The following PLCE1 variants were observed in gnomAD, a reference collection of about 807,000 sequenced individuals.
The protein encoded by PLCE1 is phospholipase C epsilon 1.
A neutral mutation model predicts 242.8 loss-of-function variants in PLCE1; 119 were observed. The ratio of observed to expected loss-of-function variants is 0.49; its 90% CI spans 0.42 to 0.57. PLCE1 has a LOEUF of 0.57. Among genes scored for constraint, PLCE1 ranks in the 20% least tolerant of loss-of-function variants. PLCE1 has a pLI of 0.00. For missense variants in PLCE1, 2,441 were observed against 2,788.8 expected (o/e 0.88, Z 2.81); for synonymous variants, 945 against 1,017.4 (o/e 0.93, Z 1.35).
At chr10:94,098,005 A>G (rs1300724879) in intron 2 of PLCE1, among the ~76,000 whole-genome samples, 5 of 152,194 alleles carry the variant, frequency 3.3e-5, no homozygotes, top group Non-Finnish European at 7.3e-5. Flanking sequence ...GGAAAGTGAC[A>G]AGGTCAGTCT....
intron 4 of PLCE1, among the ~76,000 whole-genome samples, chr10:94,205,636 A>G (rs565536107): frequency 1.3e-5 from 2 of 152,362 alleles, no homozygotes; most frequent in Admixed American, 1.3e-4. Flanking sequence ...TGCCTTCTTT[A>G]AAACACTTTG....
At chr10:94,130,224 C>T (rs912398890) in intron 2 of PLCE1, among the ~76,000 whole-genome samples, 4 of 152,144 alleles carry the variant, frequency 2.6e-5, no homozygotes, top group African/African-American at 9.7e-5. Context: ...CCCATTTGCC[C>T]TCACAGTACA....
intron 23 of PLCE1, among the ~76,000 whole-genome samples, chr10:94,295,688 C>T (rs915740986): frequency 2.6e-5 from 4 of 152,196 alleles, no homozygotes; most frequent in African/African-American, 9.7e-5. Flanking sequence ...GGAATCACAA[C>T]CTATGGAAGC....
At chr10:94,276,714 C>T (rs1005608339) in intron 19 of PLCE1, among the ~76,000 whole-genome samples, 1 of 152,094 alleles carries the variant, frequency 6.6e-6, no homozygotes, top group African/African-American at 2.4e-5. Flanking sequence ...TGCAAATCAC[C>T]TCTTTATTTT....
At chr10:94,062,627 A>G (rs2044091588) in intron 2 of PLCE1, among the ~76,000 whole-genome samples, 1 of 142,532 alleles carries the variant, frequency 7.0e-6, no homozygotes, top group Non-Finnish European at 1.5e-5. Context: ...GATCTCAGAG[A>G]GAATGCAATT....
intron 1 of PLCE1, among the ~76,000 whole-genome samples, chr10:94,018,431 T>A (rs186313329): frequency 1.1e-4 from 17 of 152,318 alleles, no homozygotes; most frequent in Middle Eastern, 3.4e-3. Flanking sequence ...GGCCAACCCA[T>A]GACCTTCCAT....
chr10:94,093,936 T>TTA (rs1231076807), intron 2 of PLCE1, among the ~76,000 whole-genome samples: 13 of 121,604 alleles, frequency 1.1e-4, no homozygotes, highest in African/African-American at 4.4e-4. Context: ...CGGTATTTCT[T>TTA]TTTTTTTTTT....
intron 2 of PLCE1, among the ~76,000 whole-genome samples, chr10:94,110,890 C>A (rs1383702888): frequency 6.6e-6 from 1 of 152,210 alleles, no homozygotes; most frequent in Non-Finnish European, 1.5e-5. Flanking sequence ...GTGGGAGCAG[C>A]CCTGTGCACT....
At chr10:94,279,960 T>C in intron 20 of PLCE1, 49 bp downstream of exon 20, 3 of 1,591,840 alleles carry the variant, frequency 1.9e-6, no homozygotes, top group Non-Finnish European at 2.6e-6. Flanking sequence ...TCTTGGATGA[T>C]TTGCCACATT....
Position 94,284,863 on chromosome 10 carries a change from C to G in PLCE1, c.4933C>G (p.Leu1645Val), listed in dbSNP as rs375092651. ...CNKGKVYDME[L>V]GEEFYLDQNK... Reference sequence around the variant, plus strand: ...CCCTTACCAGGTTTATGATATGGAACTGGGAGAAGAATTTTATCTTGATCA... The same window carrying G: ...CCCTTACCAGGTTTATGATATGGAAGTGGGAGAAGAATTTTATCTTGATCA... The change falls in exon 22 of 33, where the codon CTG (leucine) becomes GTG (valine). Residue 1645 changes from leucine (L) to valine (V), a missense_variant. By Grantham distance (32) the Leu-to-Val change is conservative. Coordinates refer to ENST00000371380, the MANE Select transcript of PLCE1 (RefSeq NM_016341.4). 41 of 1,594,922 alleles carry G rather than the reference C, an allele frequency of 2.6e-5. No homozygotes were observed. The Middle Eastern group carries it at 5.0e-4, about 19-fold the overall frequency.
intron 2 of PLCE1, among the ~76,000 whole-genome samples, chr10:94,116,049 C>T (rs2046118587): frequency 6.6e-6 from 1 of 152,182 alleles, no homozygotes; most frequent in African/African-American, 2.4e-5. Context: ...GAACAGCGGG[C>T]ATCTCCAGGG....
At position 94,246,004 on chromosome 10, in the gene PLCE1, T is replaced by G. The variant is rs759542875; in HGVS notation, c.2479T>G (p.Tyr827Asp). The G allele has an allele frequency of 7.4e-6, 12 of 1,614,126 alleles. No homozygotes were observed. The Admixed American group carries it at 2.0e-4, about 27-fold the overall frequency. The change falls in exon 8 of 33, where the codon TAC (tyrosine) becomes GAC (aspartate). Residue 827 changes from tyrosine (Y) to aspartate (D), a missense_variant. Tyr to Asp is a radical substitution (Grantham distance 160, BLOSUM62 -3). Around this residue, in one of 5 missense-constraint regions of PLCE1, gnomAD observed 733 missense variants for 754.2 expected, o/e 0.97. Transcript: ENST00000371380. ...TGACATCTTTGAGCAATCCAAAGAA[T>G]ACGACTCTCATGGTTCAGAGGACTC... ...DNDIFEQSKE[Y>D]DSHGSEDSQK...
At chr10:94,263,896 T>C (rs2051407489) in intron 14 of PLCE1, among the ~76,000 whole-genome samples, 1 of 152,038 alleles carries the variant, frequency 6.6e-6, no homozygotes, top group Non-Finnish European at 1.5e-5. Flanking sequence ...TTATAAGGAG[T>C]TGGTACATAA....
At chr10:94,195,043 T>C (rs992704689) in intron 4 of PLCE1, among the ~76,000 whole-genome samples, 1 of 152,180 alleles carries the variant, frequency 6.6e-6, no homozygotes, top group Non-Finnish European at 1.5e-5. Context: ...TCTGGATTCA[T>C]AGAATATAGG....
At chr10:94,156,141 C>T (rs2047426046) in intron 3 of PLCE1, among the ~76,000 whole-genome samples, 1 of 152,138 alleles carries the variant, frequency 6.6e-6, no homozygotes, top group Non-Finnish European at 1.5e-5. Flanking sequence ...TTTTCCTCTA[C>T]ACTCACAACA....
Position 94,103,196 on chromosome 10 carries a change from C to T in PLCE1, c.1207-28978C>T, listed in dbSNP as rs182484185. On this transcript the variant is annotated intron_variant, in intron 2 of 32. Coordinates refer to ENST00000371380, the MANE Select transcript of PLCE1 (RefSeq NM_016341.4). ...TTCTGAGTCTTCCACTTATTCCTCACAACCACCTGATAAGACAGATACTGT... is the reference window on the plus strand; with the variant it reads ...TTCTGAGTCTTCCACTTATTCCTCATAACCACCTGATAAGACAGATACTGT... Among the ~76,000 whole-genome samples, 356 of 152,324 alleles carry T rather than the reference C, an allele frequency of 2.3e-3. 6 individuals are homozygous for T. The highest frequency in any genetic ancestry group is 5.5e-4 in the African/African-American group (23 of 41,580).
At position 93,993,969 on chromosome 10, in the gene PLCE1, G is replaced by T. The variant is rs868095659; in HGVS notation, c.-654G>T. Among the ~76,000 whole-genome samples the T allele has an allele frequency of 6.6e-6, 1 of 151,284 alleles. No individual in the cohort carries two copies. Among genetic ancestry groups the T allele is most frequent in the Admixed American group, 6.6e-5 (1 of 15,164 alleles). The stretch of plus-strand genomic sequence containing the variant: ...ATCTCGGCGGGAGCGGACTGTGAAC[G>T]GCGCGGGTCCACACGGTAACGCTGG... On this transcript the variant is annotated 5_prime_UTR_variant, in exon 1 of 33. Coordinates refer to ENST00000371380, the MANE Select transcript of PLCE1 (RefSeq NM_016341.4).
rs1258272731 is a variant in PLCE1 at position 94,330,415 on chromosome 10, C to T, written c.*2472C>T. Reference sequence around the variant, plus strand: ...AAAGAGTTGGCTGGGCACAGTGGCTCATGCCTGTAATCCCAACACTCTGGG... The same window carrying T: ...AAAGAGTTGGCTGGGCACAGTGGCTTATGCCTGTAATCCCAACACTCTGGG... On this transcript the variant is annotated 3_prime_UTR_variant, in exon 33 of 33. Transcript: ENST00000371380. 6.6e-6 allele frequency: 1 copy of T among 152,250 alleles called. No homozygotes were observed. Among genetic ancestry groups the T allele is most frequent in the Non-Finnish European group, 1.5e-5 (1 of 68,068 alleles). The allele number at this position is 152,250 out of a possible 1,614,324, so 9.4% of individuals were successfully genotyped here.
At chr10:94,074,501 A>C (rs1257005163) in intron 2 of PLCE1, among the ~76,000 whole-genome samples, 2 of 152,296 alleles carry the variant, frequency 1.3e-5, no homozygotes, top group East Asian at 3.9e-4. Flanking sequence ...CATCCCAAAC[A>C]GTTCTACCAG....
Sources: gnomAD v4.1 joint callset for allele counts (sites outside exome capture counted in the v4.1 genomes callset) on GRCh38, gnomAD v4.1.1 for gene constraint, gnomAD v4.1.1 regional missense constraint, MANE v1.5 for transcripts, NCBI Gene and HGNC (gene_info 2026-07-23, HGNC 2026-07-21) for gene names.